The following ABCA13 variants were observed in gnomAD, a reference collection of about 807,000 sequenced individuals.
The protein encoded by ABCA13 is ATP binding cassette subfamily A member 13, also known as ATP-binding cassette sub-family A member 13.
In ABCA13, 476 loss-of-function variants were observed where a neutral mutation model predicts 478.7. The ratio of observed to expected loss-of-function variants is 0.99; its 90% CI spans 0.92 to 1.07. ABCA13 has a LOEUF of 1.07. ABCA13 is among the 50% of genes least tolerant of loss of function. ABCA13 has a pLI of 0.00. For synonymous variants in ABCA13, 2,252 were observed against 2,158.9 expected, an observed-to-expected ratio of 1.04 and a Z score of -1.20; for missense variants, 6,060 against 5,910.6, an observed-to-expected ratio of 1.03 and a Z score of -0.83.
chr7:48,405,435 C>T (rs554623634), intron 39 of ABCA13, among the ~76,000 whole-genome samples: 215 of 152,328 alleles, frequency 1.4e-3, no homozygotes, highest in Non-Finnish European at 1.5e-3. Context: ...ACTCCATTTA[C>T]CTAAGTGTCT....
At chr7:48,339,949 G>T (rs73697141) in intron 29 of ABCA13, among the ~76,000 whole-genome samples, 1 of 152,106 alleles carries the variant, frequency 6.6e-6, no homozygotes, top group African/African-American at 2.4e-5. Flanking sequence ...CTTACTGCAT[G>T]CACCCTTTTA....
At chr7:48,334,399 A>C (rs1584898882) in intron 27 of ABCA13, among the ~76,000 whole-genome samples, 1 of 151,344 alleles carries the variant, frequency 6.6e-6, no homozygotes, top group East Asian at 1.9e-4. Context: ...CAGTGGTGCA[A>C]TCTTGGCTCA....
At chr7:48,320,535 T>A (rs1383487937) in intron 27 of ABCA13, among the ~76,000 whole-genome samples, 1 of 152,234 alleles carries the variant, frequency 6.6e-6, no homozygotes, top group African/African-American at 2.4e-5. Context: ...GATTCCAATG[T>A]ATTAGTATGC....
At chr7:48,190,199 C>G (rs2128890274) in intron 1 of ABCA13, among the ~76,000 whole-genome samples, 1 of 152,274 alleles carries the variant, frequency 6.6e-6, no homozygotes, top group Middle Eastern at 3.4e-3. Flanking sequence ...AAATCATATA[C>G]ACTTCAGTGC....
chr7:48,375,440 T>C (rs145473768), intron 34 of ABCA13, among the ~76,000 whole-genome samples: 334 of 152,316 alleles, frequency 2.2e-3, no homozygotes, highest in African/African-American at 7.6e-3. Context: ...AAGATCAAGA[T>C]CCAGAAATAG....
At chr7:48,342,915 T>A (rs1807463471) in intron 29 of ABCA13, among the ~76,000 whole-genome samples, 1 of 152,156 alleles carries the variant, frequency 6.6e-6, no homozygotes, top group Non-Finnish European at 1.5e-5. Context: ...AAAATTTAAA[T>A]TTTCTTATTT....
At position 48,512,031 on chromosome 7, in the gene ABCA13, G is replaced by T. The variant is rs572502394; in HGVS notation, c.13640+832G>T. Among the ~76,000 whole-genome samples the T allele has an allele frequency of 2.6e-5, 4 of 152,168 alleles. No individual in the cohort carries two copies. The East Asian group carries it at 7.7e-4, about 29-fold the overall frequency. On this transcript the variant is annotated intron_variant, in intron 51 of 61. Coordinates refer to ENST00000435803, the MANE Select transcript of ABCA13 (RefSeq NM_152701.5). ...CATTACTAGATGATTGTATAGGTGG[G>T]TGGGTGGATGGATGGAAGTATGTAG... is the stretch of plus-strand genomic sequence containing the variant.
chr7:48,223,267 G>A (rs147359002), intron 5 of ABCA13, among the ~76,000 whole-genome samples: 1 of 152,122 alleles, frequency 6.6e-6, no homozygotes, highest in Non-Finnish European at 1.5e-5. Flanking sequence ...TTGCCAAGGA[G>A]GTTGTGGGAG....
Position 48,269,065 on chromosome 7 carries a change from A to T in ABCA13, c.2091A>T (p.Leu697Phe). 6.3e-7 allele frequency: 1 copy of T among 1,590,148 alleles called. No individual in the cohort carries two copies. Among genetic ancestry groups the T allele is most frequent in the Non-Finnish European group, 8.6e-7 (1 of 1,159,848 alleles). The change falls in exon 16 of 62, where the codon TTA becomes TTT. Residue 697 changes from leucine to phenylalanine, a missense_variant. By Grantham distance (22) the Leu-to-Phe change is conservative. Transcript: ENST00000435803. ...ATTATTTTCAATTTTTGAATAACTT[A>T]CTCAAGTCTCCAACAGCTTCCATAT... The part of the protein sequence containing the change: ...SDNYFQFLNN[L>F]LKSPTASISR...
At chr7:48,495,727 G>A (rs1226345819) in intron 48 of ABCA13, among the ~76,000 whole-genome samples, 1 of 151,988 alleles carries the variant, frequency 6.6e-6, no homozygotes, top group Non-Finnish European at 1.5e-5. Context: ...GTATTTTGAA[G>A]CTCTGAGGTA....
rs191405023 is a variant in ABCA13 at position 48,555,567 on chromosome 7, T to C, written c.14355-24657T>C. On this transcript the variant is annotated intron_variant, in intron 55 of 61. Coordinates refer to ENST00000435803, the MANE Select transcript of ABCA13 (RefSeq NM_152701.5). ...TGGTTCAATCTTGGTAGGTTGTATG[T>C]GTCTAGGAATTTATCCATTTCCTCT... Among the ~76,000 whole-genome samples, 6 of 152,060 alleles carry C rather than the reference T, an allele frequency of 3.9e-5. No individual in the cohort carries two copies. The East Asian group carries it at 1.2e-3, about 29-fold the overall frequency.
chr7:48,424,237 A>G (rs959308486), intron 41 of ABCA13, among the ~76,000 whole-genome samples: 2 of 152,196 alleles, frequency 1.3e-5, no homozygotes, highest in Non-Finnish European at 2.9e-5. Context: ...TTATACTCTT[A>G]ATAAGAATAT....
chr7:48,445,409 T>C (rs1563269390), intron 42 of ABCA13, among the ~76,000 whole-genome samples: 1 of 152,226 alleles, frequency 6.6e-6, no homozygotes, highest in Non-Finnish European at 1.5e-5. Flanking sequence ...CATGGACTCC[T>C]AAGATGATAG....
intron 40 of ABCA13, among the ~76,000 whole-genome samples, chr7:48,411,225 TTCTC>T (rs1331566308): frequency 2.0e-5 from 3 of 147,906 alleles, no homozygotes; most frequent in Non-Finnish European, 3.0e-5. Context: ...TCCCTTCTCT[TTCTC>T]TTTCTTTCTT....
chr7:48,522,073 G>T (rs1480633591), intron 53 of ABCA13, among the ~76,000 whole-genome samples: 1 of 152,164 alleles, frequency 6.6e-6, no homozygotes, highest in Admixed American at 6.5e-5. Context: ...CTGGGGCTGG[G>T]CTGATGCCTT....
intron 48 of ABCA13, among the ~76,000 whole-genome samples, chr7:48,495,606 A>T (rs1324586107): frequency 6.6e-6 from 1 of 152,168 alleles, no homozygotes; most frequent in African/African-American, 2.4e-5. Flanking sequence ...AAGATTACTG[A>T]ACCTTCACTG....
At chr7:48,305,401 T>G (rs1800754898) in intron 23 of ABCA13, among the ~76,000 whole-genome samples, 1 of 152,146 alleles carries the variant, frequency 6.6e-6, no homozygotes, top group Non-Finnish European at 1.5e-5. Flanking sequence ...CTCAAATGGG[T>G]CCCCAATGGC....
At chr7:48,214,972 T>A (rs1408036994) in intron 3 of ABCA13, among the ~76,000 whole-genome samples, 1 of 152,204 alleles carries the variant, frequency 6.6e-6, no homozygotes, top group Non-Finnish European at 1.5e-5. Context: ...GTCCTAGCTT[T>A]CAGCCCATCT....
intron 1 of ABCA13, among the ~76,000 whole-genome samples, chr7:48,178,974 A>C (rs1477777129): frequency 1.2e-5 from 1 of 80,554 alleles, no homozygotes; most frequent in Non-Finnish European, 2.4e-5. Flanking sequence ...CAAAACAAAA[A>C]CTAATAATAA....
Sources: gnomAD v4.1 joint callset for allele counts (sites outside exome capture counted in the v4.1 genomes callset) on GRCh38, gnomAD v4.1.1 for gene constraint, MANE v1.5 for transcripts, NCBI Gene and HGNC (gene_info 2026-07-23, HGNC 2026-07-21) for gene names.